ANKFN1: variants seen among roughly 807,000 people sequenced by gnomAD.
The protein encoded by ANKFN1 is ankyrin repeat and fibronectin type III domain containing 1, also known as ankyrin repeat and fibronectin type-III domain-containing protein 1.
Under a neutral mutation model 108.7 loss-of-function variants are expected in ANKFN1, and 74 were observed. The observed-to-expected ratio is 0.68, with a 90% CI of 0.56 to 0.83. The LOEUF is 0.83. Among genes scored for constraint, ANKFN1 ranks in the 40% least tolerant of loss-of-function variants. The pLI, the probability that ANKFN1 is intolerant of heterozygous loss-of-function variation, is 0.00. For synonymous variants in ANKFN1, 547 were observed against 516.2 expected (o/e 1.06, Z -0.81); for missense variants, 1,505 against 1,382.3 (o/e 1.09, Z -1.41).
intron 1 of ANKFN1, among the ~76,000 whole-genome samples, chr17:56,169,721 C>T (rs76979074): frequency 5.7e-4 from 87 of 152,258 alleles, no homozygotes; most frequent in Non-Finnish European, 9.4e-4. Context: ...CAGGAGACAG[C>T]GCCAAGCCAT....
intron 3 of ANKFN1, among the ~76,000 whole-genome samples, chr17:56,310,676 A>G (rs1002731520): frequency 6.6e-6 from 1 of 151,990 alleles, no homozygotes; most frequent in African/African-American, 2.4e-5. Context: ...GTACAATTCC[A>G]TGTTCTGATA....
intron 16 of ANKFN1, among the ~76,000 whole-genome samples, chr17:56,478,116 C>G (rs916621259): frequency 6.6e-6 from 1 of 152,106 alleles, no homozygotes; most frequent in Non-Finnish European, 1.5e-5. Context: ...CATGAGCCAC[C>G]GTGCCCGGCC....
chr17:56,077,136 A>G (rs1905190728), intron 4 of ANKFN1, among the ~76,000 whole-genome samples: 1 of 152,196 alleles, frequency 6.6e-6, no homozygotes, highest in African/African-American at 2.4e-5. Flanking sequence ...ATAATATTGG[A>G]GAGAAATTAA....
intron 4 of ANKFN1, among the ~76,000 whole-genome samples, chr17:56,076,697 T>G (rs1445343564): frequency 1.3e-5 from 2 of 152,196 alleles, no homozygotes; most frequent in African/African-American, 4.8e-5. Flanking sequence ...AGTATTGTTA[T>G]AAGGACTAAA....
At chr17:56,356,623 C>A (rs1356581136) in intron 6 of ANKFN1, among the ~76,000 whole-genome samples, 1 of 152,186 alleles carries the variant, frequency 6.6e-6, no homozygotes, top group Admixed American at 6.6e-5. Flanking sequence ...GCTCTATAGT[C>A]AAAGTGCTGC....
intron 7 of ANKFN1, 130 bp from the exon 8 acceptor site, chr17:56,374,471 C>G: frequency 1.5e-6 from 1 of 680,896 alleles, no homozygotes. Flanking sequence ...TGTTCAAAAG[C>G]GAAAGCTATT....
chr17:56,244,733 G>GTA (rs1345901305), intron 3 of ANKFN1, among the ~76,000 whole-genome samples: 1 of 152,098 alleles, frequency 6.6e-6, no homozygotes, highest in Non-Finnish European at 1.5e-5. Context: ...TACCAGCAGG[G>GTA]TATAGAGCGT....
chr17:56,228,180 C>T lies in ANKFN1; in HGVS notation c.53+223C>T, dbSNP rs190699691. ...CTTAATTGTGGTTGTGACAATATTA[C>T]GTCTAAAGGTAGATAAAAGTGAGGA... On this transcript the variant is annotated intron_variant, in intron 3 of 20. Transcript: ENST00000682825. 261 of 463,358 alleles carry T rather than the reference C, an allele frequency of 5.6e-4. 3 individuals are homozygous for T. The East Asian group carries it at 8.4e-3, about 15-fold the overall frequency. The allele number at this position is 463,358 out of a possible 1,614,324, so 28.7% of individuals were successfully genotyped here. A position where few individuals can be genotyped will look rare whatever the true frequency, so the allele number is the denominator to read the frequency against.
chr17:56,234,181 G>A (rs1178943087), intron 3 of ANKFN1, among the ~76,000 whole-genome samples: 1 of 152,126 alleles, frequency 6.6e-6, no homozygotes, highest in African/African-American at 2.4e-5. Flanking sequence ...CCAACATGAT[G>A]TCACTAAATG....
At chr17:56,099,949 A>C (rs1905609058) in intron 4 of ANKFN1, among the ~76,000 whole-genome samples, 1 of 152,220 alleles carries the variant, frequency 6.6e-6, no homozygotes, top group Non-Finnish European at 1.5e-5. Context: ...AAGATAGATG[A>C]GAGAAATGAG....
intron 4 of ANKFN1, among the ~76,000 whole-genome samples, chr17:56,339,150 T>G (rs2045895237): frequency 6.7e-6 from 1 of 148,594 alleles, no homozygotes; most frequent in Admixed American, 7.0e-5. Flanking sequence ...CTTTTGATGC[T>G]ATTGTAAATT....
chr17:56,453,976 G>T (rs560216703), intron 11 of ANKFN1, among the ~76,000 whole-genome samples: 2 of 152,136 alleles, frequency 1.3e-5, no homozygotes, highest in Admixed American at 1.3e-4. Context: ...TAAGGCATCT[G>T]TTGTCTGTTA....
chr17:56,391,749 T>G (rs534831173), intron 8 of ANKFN1, among the ~76,000 whole-genome samples: 4 of 152,126 alleles, frequency 2.6e-5, no homozygotes, highest in Non-Finnish European at 5.9e-5. Flanking sequence ...TTTTAAGAGC[T>G]ACTAAGTGAT....
At chr17:56,183,869 G>A (rs1369433728) in intron 1 of ANKFN1, among the ~76,000 whole-genome samples, 1 of 152,154 alleles carries the variant, frequency 6.6e-6, no homozygotes, top group African/African-American at 2.4e-5. Flanking sequence ...TGCATATGTG[G>A]TACCAATATT....
In ANKFN1 at chr17:56,480,831, A is replaced by G; in HGVS notation, c.2091+13A>G. 1 of 1,609,194 alleles carries G rather than the reference A, an allele frequency of 6.2e-7. No homozygotes were observed. The highest frequency in any genetic ancestry group is 8.5e-7 in the Non-Finnish European group (1 of 1,178,034). On this transcript the variant is annotated intron_variant, in intron 17 of 20. Transcript: ENST00000682825. ...ACCTCTACACCAGGTACTAGACTTTACCATTTTTATCTTCTTTTTTTATGG... is the reference window on the plus strand; with the variant it reads ...ACCTCTACACCAGGTACTAGACTTTGCCATTTTTATCTTCTTTTTTTATGG...
chr17:56,146,945 G>A (rs1908298481), intron 4 of ANKFN1, among the ~76,000 whole-genome samples: 1 of 152,094 alleles, frequency 6.6e-6, no homozygotes, highest in African/African-American at 2.4e-5. Flanking sequence ...TTTTATGTCT[G>A]CTTCCTCTTG....
intron 14 of ANKFN1, among the ~76,000 whole-genome samples, chr17:56,461,031 G>C (rs1234904684): frequency 1.3e-5 from 2 of 152,212 alleles, no homozygotes; most frequent in African/African-American, 4.8e-5. Context: ...CCCCTCACTT[G>C]CATGAGCTAT....
At chr17:56,445,916 A>G (rs1489438310) in intron 10 of ANKFN1, among the ~76,000 whole-genome samples, 1 of 152,158 alleles carries the variant, frequency 6.6e-6, no homozygotes, top group Non-Finnish European at 1.5e-5. Context: ...AGTGAGCTGT[A>G]TTATGTGACA....
At chr17:56,161,007 A>G (rs1179933267) in intron 1 of ANKFN1, among the ~76,000 whole-genome samples, 1 of 152,216 alleles carries the variant, frequency 6.6e-6, no homozygotes, top group Non-Finnish European at 1.5e-5. Flanking sequence ...TTTGGCCTCT[A>G]ATACTTGAGA....
Sources: allele counts gnomAD v4.1 joint callset (sites outside exome capture counted in the v4.1 genomes callset), GRCh38; gene constraint gnomAD v4.1.1; transcripts MANE v1.5; gene names NCBI Gene and HGNC (gene_info 2026-07-23, HGNC 2026-07-21).